The following NFIX variants were observed in gnomAD, a reference collection of about 807,000 sequenced individuals.
NFIX encodes nuclear factor 1 X-type.
A neutral mutation model predicts 53.3 loss-of-function variants in NFIX; 2 were observed. The observed-to-expected ratio is 0.04, with a 90% CI of 0.02 to 0.12. NFIX has a LOEUF of 0.12. Ranked by LOEUF, NFIX falls within the 10% of genes least tolerant of loss-of-function variation. The pLI is 1.00. For missense variants in NFIX, 310 were observed against 674.5 expected, an observed-to-expected ratio of 0.46 and a Z score of 5.99; for synonymous variants, 244 against 289.0, an observed-to-expected ratio of 0.84 and a Z score of 1.58.
At chr19:13,048,683 G>T (rs1362704721) in intron 2 of NFIX, among the ~76,000 whole-genome samples, 1 of 148,734 alleles carries the variant, frequency 6.7e-6, no homozygotes, top group East Asian at 2.0e-4. Context: ...AACACAGGGA[G>T]ACCTCATCTC....
Position 13,081,681 on chromosome 19 carries a change from G to A in NFIX, c.1080G>A (p.Gly360=). 6.2e-7 allele frequency: 1 copy of A among 1,612,040 alleles called. No homozygotes were observed. The highest frequency in any genetic ancestry group is 8.5e-7 in the Non-Finnish European group (1 of 1,178,504). ...TTTTCCCTGCCCACGTGCATGCAGG[G>A]AGCCCCCGGGCCACAGCATCAGCCC... is the stretch of plus-strand genomic sequence containing the variant. ...PLPVLAGVRP[G]SPRATASALH... Residue 360 remains glycine (G), a splice_region_variant and synonymous_variant, in exon 8 of 11, where the codon GGG becomes GGA. Transcript: ENST00000592199. The surrounding 1 kb of genome is among the most constrained non-coding windows in gnomAD (Gnocchi z 4.7).
intron 2 of NFIX, among the ~76,000 whole-genome samples, chr19:13,029,881 T>C (rs2013665612): frequency 6.6e-6 from 1 of 152,182 alleles, no homozygotes; most frequent in African/African-American, 2.4e-5. Context: ...CCCATCCACG[T>C]CCTTCCTTGG....
rs2017919943 is a variant in NFIX, at chr19:13,088,378, C to T, written c.1402+242C>T. ...CCCAGCCGGGGCCCCTGGCCCAGGC[C>T]CCTCTGGGGGGCGGGAGGGAGAGCA... On this transcript the variant is annotated intron_variant, in intron 9 of 10. Coordinates refer to ENST00000592199, the MANE Select transcript of NFIX (RefSeq NM_001365902.3). The surrounding 1 kb of genome is among the most constrained non-coding windows in gnomAD (Gnocchi z 5.9). Among the ~76,000 whole-genome samples, 1 of 152,122 alleles carries T rather than the reference C, an allele frequency of 6.6e-6. No individual in the cohort carries two copies. The highest frequency in any genetic ancestry group is 2.1e-4 in the South Asian group (1 of 4,828).
At chr19:13,083,379 C>G (rs1055164008) in intron 8 of NFIX, among the ~76,000 whole-genome samples, 1 of 152,144 alleles carries the variant, frequency 6.6e-6, no homozygotes, top group Admixed American at 6.5e-5. Flanking sequence ...TCAGGCTGGC[C>G]TAGAGACCGG....
Position 13,087,984 on chromosome 19 carries a change from C to T in NFIX, c.1255-5C>T, listed in dbSNP as rs1156840447. The T allele has an allele frequency of 3.9e-6, 6 of 1,535,986 alleles. No individual in the cohort carries two copies. Among genetic ancestry groups the T allele is most frequent in the Non-Finnish European group, 4.4e-6 (5 of 1,146,858 alleles). On this transcript the variant is annotated splice_region_variant and splice_polypyrimidine_tract_variant and intron_variant, in intron 8 of 10. Coordinates refer to ENST00000592199, the MANE Select transcript of NFIX (RefSeq NM_001365902.3). ...CATGCGTCACTCTATTTATGTTGTT[C>T]GCAGCCCAACGGTAGCGGCCAGGGC...
intron 1 of NFIX, among the ~76,000 whole-genome samples, chr19:12,997,907 A>G (rs751956923): frequency 6.6e-6 from 1 of 152,228 alleles, no homozygotes; most frequent in African/African-American, 2.4e-5. Context: ...CCAGTGTGCC[A>G]GGATGGCTGG....
In NFIX at chr19:13,002,448, G is replaced by T. The variant is rs1382121107; in HGVS notation, c.27+6584G>T. Among the ~76,000 whole-genome samples the T allele has an allele frequency of 1.3e-5, 2 of 152,130 alleles. No homozygotes were observed. The stretch of plus-strand genomic sequence containing the variant: ...GGAGTGGCCTCGTGCAGGGGCCTGG[G>T]CCCCCTGAGTGGGCTTGGCCAGGGG... On this transcript the variant is annotated intron_variant, in intron 1 of 10. Coordinates refer to ENST00000592199, the MANE Select transcript of NFIX (RefSeq NM_001365902.3). This position sits in a 1 kb window ranked among gnomAD's most constrained non-coding sequence, Gnocchi z 6.1.
chr19:13,092,902 G>C (rs1265580008), intron 10 of NFIX, among the ~76,000 whole-genome samples: 1 of 152,238 alleles, frequency 6.6e-6, no homozygotes, highest in African/African-American at 2.4e-5. Flanking sequence ...TCAATTGACC[G>C]GTTGGACTTG....
chr19:13,071,360 A>T (rs73922304), intron 2 of NFIX: 324 of 152,308 alleles, frequency 2.1e-3, no homozygotes, highest in African/African-American at 7.6e-3. Context: ...GTGAGGTAGT[A>T]TCAAGAAAGT....
At position 13,013,894 on chromosome 19, in the gene NFIX, GA is replaced by G. The variant is rs2012514647; in HGVS notation, c.28-11125del. The G allele has an allele frequency of 6.6e-6, 1 of 152,146 alleles. No individual in the cohort carries two copies. The highest frequency in any genetic ancestry group is 2.4e-5 in the African/African-American group (1 of 41,432). The allele number at this position is 152,146 out of a possible 1,614,324, so 9.4% of individuals were successfully genotyped here. Reference sequence around the variant, plus strand: ...TGAAAAGGCGCTATAGAAATGCAAGGAATTATGATTTTAATAAAATTGTCTC... The same window carrying G: ...TGAAAAGGCGCTATAGAAATGCAAGGATTATGATTTTAATAAAATTGTCTC... On this transcript the variant is annotated intron_variant, in intron 1 of 10. Coordinates refer to ENST00000592199, the MANE Select transcript of NFIX (RefSeq NM_001365902.3). The surrounding 1 kb of genome is among the most constrained non-coding windows in gnomAD (Gnocchi z 5.9).
intron 8 of NFIX, among the ~76,000 whole-genome samples, chr19:13,084,971 G>C (rs1172628265): frequency 6.6e-6 from 1 of 151,480 alleles, no homozygotes; most frequent in Non-Finnish European, 1.5e-5. Context: ...TTGGGAGGCT[G>C]AGGCAGGAGA....
rs1264149555 is a variant in NFIX at position 13,090,755 on chromosome 19, G to T, written c.1494+365G>T. Among the ~76,000 whole-genome samples, 1 of 152,186 alleles carries T rather than the reference G, an allele frequency of 6.6e-6. No homozygotes were observed. Among genetic ancestry groups the T allele is most frequent in the Non-Finnish European group, 1.5e-5 (1 of 68,030 alleles). On this transcript the variant is annotated intron_variant, in intron 10 of 10. Coordinates refer to ENST00000592199, the MANE Select transcript of NFIX (RefSeq NM_001365902.3). The surrounding 1 kb of genome is among the most constrained non-coding windows in gnomAD (Gnocchi z 6.6). ...CTCACTGCTTTCACCTGCCCCGACT[G>T]GAAGCCCCGGCCCCTAGCCCTCCCC...
At position 13,090,211 on chromosome 19, in the gene NFIX, C is replaced by T; in HGVS notation, c.1403-88C>T. The T allele has an allele frequency of 1.6e-6, 2 of 1,247,170 alleles. No individual in the cohort carries two copies. Among genetic ancestry groups the T allele is most frequent in the Non-Finnish European group, 2.4e-6 (2 of 847,756 alleles). 77.3% of individuals were successfully genotyped at this position (1,247,170 alleles called of 1,614,324 possible). A position where few individuals can be genotyped will look rare whatever the true frequency, so the allele number is the denominator to read the frequency against. ...CGGGCAGCATGGTCTAACTCAGTCT[C>T]TCCCTCTCTCAGCAGCCCCGAGGGG... is the stretch of plus-strand genomic sequence containing the variant. On this transcript the variant is annotated intron_variant, in intron 9 of 10. Coordinates refer to ENST00000592199, the MANE Select transcript of NFIX (RefSeq NM_001365902.3). This position sits in a 1 kb window ranked among gnomAD's most constrained non-coding sequence, Gnocchi z 6.6.
In NFIX at chr19:13,029,767, G is replaced by T. The variant is rs148851702; in HGVS notation, c.559+4215G>T. On this transcript the variant is annotated intron_variant, in intron 2 of 10. Coordinates refer to ENST00000592199, the MANE Select transcript of NFIX (RefSeq NM_001365902.3). The stretch of plus-strand genomic sequence containing the variant: ...TTTGTCTAAGTGAACTTTTTCACCT[G>T]TGGGGTTGCCTTCTCAGGTATGAGA... 4.6e-4 allele frequency among the ~76,000 whole-genome samples: 70 copies of T among 152,344 alleles called. No individual in the cohort carries two copies. In the East Asian group the frequency reaches 0.013, roughly 29 times the overall value.
At position 12,996,961 on chromosome 19, in the gene NFIX, T is replaced by C. The variant is rs2011491400; in HGVS notation, c.27+1097T>C. On this transcript the variant is annotated intron_variant, in intron 1 of 10. Coordinates refer to ENST00000592199, the MANE Select transcript of NFIX (RefSeq NM_001365902.3). This position sits in a 1 kb window ranked among gnomAD's most constrained non-coding sequence, Gnocchi z 5.2. ...AGTCCCACAGTGGCCCTGACAGCGT[T>C]GCCTGCAGGGCCAAGCCACAGCTGG... Among the ~76,000 whole-genome samples, 1 of 152,236 alleles carries C rather than the reference T, an allele frequency of 6.6e-6. No individual in the cohort carries two copies. Among genetic ancestry groups the C allele is most frequent in the Admixed American group, 6.5e-5 (1 of 15,288 alleles).
At chr19:13,048,852 C>A (rs1465936576) in intron 2 of NFIX, among the ~76,000 whole-genome samples, 3 of 152,104 alleles carry the variant, frequency 2.0e-5, no homozygotes, top group Non-Finnish European at 2.9e-5. Context: ...GCAGGCAGAT[C>A]ACTTGAAGTC....
In NFIX at chr19:13,006,468, C is replaced by T. The variant is rs1379056574; in HGVS notation, c.27+10604C>T. On this transcript the variant is annotated intron_variant, in intron 1 of 10. Transcript: ENST00000592199. The surrounding 1 kb of genome is among the most constrained non-coding windows in gnomAD (Gnocchi z 5.6). ...AATCTGGGGACAAGATGGCCGAGGC[C>T]TTTCCTTTACAGAAACTGGGGCTTG... Among the ~76,000 whole-genome samples, 1 of 152,226 alleles carries T rather than the reference C, an allele frequency of 6.6e-6. No homozygotes were observed. The highest frequency in any genetic ancestry group is 2.4e-5 in the African/African-American group (1 of 41,452).
chr19:13,016,689 A>G lies in NFIX; in HGVS notation c.28-8332A>G, dbSNP rs575400011. ...TTTTTTTAATGGATCTTGTAGTCTG[A>G]CAGTATAATTTTTGGAGGGATTTAT... On this transcript the variant is annotated intron_variant, in intron 1 of 10. Coordinates refer to ENST00000592199, the MANE Select transcript of NFIX (RefSeq NM_001365902.3). Among the ~76,000 whole-genome samples, 210 of 146,662 alleles carry G rather than the reference A, an allele frequency of 1.4e-3. 1 individual carries two copies. The highest frequency in any genetic ancestry group is 2.4e-3 in the Non-Finnish European group (158 of 66,980).
intron 2 of NFIX, among the ~76,000 whole-genome samples, chr19:13,065,049 G>C (rs1279185484): frequency 6.6e-6 from 1 of 152,150 alleles, no homozygotes; most frequent in African/African-American, 2.4e-5. Flanking sequence ...TGTGAATTGG[G>C]GGAGCCTTGG....
Sources: gnomAD v4.1 joint callset for allele counts (sites outside exome capture counted in the v4.1 genomes callset) on GRCh38, gnomAD v4.1.1 for gene constraint, Gnocchi (gnomAD v3.1) non-coding constraint, MANE v1.5 for transcripts, NCBI Gene and HGNC (gene_info 2026-07-23, HGNC 2026-07-21) for gene names.